The following CD99 variants were observed in gnomAD, a reference collection of about 807,000 sequenced individuals.
The protein encoded by CD99 is CD99 molecule (Xg blood group).
Under a neutral mutation model 28.4 loss-of-function variants are expected in CD99, and 19 were observed. The ratio of observed to expected loss-of-function variants is 0.67; its 90% CI spans 0.47 to 0.98. CD99 has a LOEUF of 0.98. Among genes scored for constraint, CD99 ranks in the 50% least tolerant of loss-of-function variants. The pLI, the probability that CD99 is intolerant of heterozygous loss-of-function variation, is 0.00. For synonymous variants in CD99, 103 were observed against 92.1 expected (o/e 1.12, Z -0.67); for missense variants, 283 against 248.8 (o/e 1.14, Z -0.92).
chrX:2,736,181 G>A (rs780983783), intron 8 of CD99, among the ~76,000 whole-genome samples: 5 of 146,710 alleles, frequency 3.4e-5, no homozygotes, highest in Non-Finnish European at 4.5e-5. Flanking sequence ...CAGCCTGGGC[G>A]ACAGAGCAAG....
At chrX:2,700,907 A>C (rs1189824100) in intron 1 of CD99, among the ~76,000 whole-genome samples, 13 of 134,936 alleles carry the variant, frequency 9.6e-5, no homozygotes, top group African/African-American at 3.1e-4. Context: ...CCACCCATCC[A>C]TCCACCCACC....
intron 2 of CD99, 159 bp downstream of exon 2, chrX:2,714,613 C>T (rs2048598409): frequency 1.7e-6 from 1 of 598,688 alleles, no homozygotes; most frequent in Non-Finnish European, 3.0e-6. Flanking sequence ...GTTATGTTTA[C>T]TCTCAACTGT....
chrX:2,736,821 C>T (rs983435886), intron 8 of CD99, among the ~76,000 whole-genome samples: 1 of 151,836 alleles, frequency 6.6e-6, no homozygotes, highest in Admixed American at 6.6e-5. Flanking sequence ...CGCGCCACTG[C>T]ACTCCAGCCT....
At chrX:2,698,185 C>CTTT (rs749180860) in intron 1 of CD99, among the ~76,000 whole-genome samples, 10 of 134,812 alleles carry the variant, frequency 7.4e-5, no homozygotes, top group African/African-American at 2.7e-4. Flanking sequence ...TTCTTTGTTT[C>CTTT]TTTTTTTTTT....
chrX:2,725,047 G>A (rs1165983336), intron 7 of CD99, among the ~76,000 whole-genome samples: 1 of 149,682 alleles, frequency 6.7e-6, no homozygotes, highest in East Asian at 2.0e-4. Context: ...GGGCAACAGA[G>A]CAAGACTCTG....
At chrX:2,717,530 T>A in intron 2 of CD99, 75 bp from the exon 3 acceptor site, 2 of 1,181,718 alleles carry the variant, frequency 1.7e-6, no homozygotes, top group Non-Finnish European at 2.5e-6. Flanking sequence ...AAATGAAACA[T>A]CCTTAACCAC....
intron 5 of CD99, among the ~76,000 whole-genome samples, chrX:2,722,230 T>G (rs1569442488): frequency 1.3e-5 from 2 of 152,220 alleles, no homozygotes; most frequent in East Asian, 3.8e-4. Flanking sequence ...ATGACATTAT[T>G]GATTTATAAG....
At chrX:2,717,466 T>C in intron 2 of CD99, 139 bp from the exon 3 acceptor site, 2 of 691,270 alleles carry the variant, frequency 2.9e-6, no homozygotes, top group Non-Finnish European at 5.2e-6. Context: ...CTCAGCTCGG[T>C]GTGGGCAGGT....
In CD99 at chrX:2,738,275, G is replaced by A. The variant is rs201473103; in HGVS notation, c.532+19G>A. 2,127 of 1,612,990 alleles carry A rather than the reference G, an allele frequency of 1.3e-3. 39 individuals carry two copies. The South Asian group carries it at 0.022, about 17-fold the overall frequency. On this transcript the variant is annotated intron_variant, in intron 9 of 9. Transcript: ENST00000381192. Reference sequence around the variant, plus strand: ...CCAGCTGGTAAGAAGGACGGGGAACGATGGCTTGCACACGTGGCCAGTGTT... The same window carrying A: ...CCAGCTGGTAAGAAGGACGGGGAACAATGGCTTGCACACGTGGCCAGTGTT...
intron 8 of CD99, among the ~76,000 whole-genome samples, chrX:2,730,292 C>A: frequency 6.6e-6 from 1 of 151,714 alleles, no homozygotes; most frequent in Non-Finnish European, 1.5e-5. Context: ...CCTGCCTCAG[C>A]TTCCCGAGCA....
chrX:2,731,475 A>G lies in CD99; in HGVS notation c.475+5102A>G, dbSNP rs192699783. On this transcript the variant is annotated intron_variant, in intron 8 of 9. Coordinates refer to ENST00000381192, the MANE Select transcript of CD99 (RefSeq NM_002414.5). ...CATGGTGGTGCACACATGTATTTCC[A>G]GGTACTCGGGAGGCTGAGGCAGGAG... Among the ~76,000 whole-genome samples, 192 of 152,298 alleles carry G rather than the reference A, an allele frequency of 1.3e-3. 2 individuals carry two copies. The highest frequency in any genetic ancestry group is 7.2e-3 in the Admixed American group (110 of 15,288).
intron 1 of CD99, 156 bp downstream of exon 1, chrX:2,691,583 G>T (rs1375043660): frequency 2.5e-6 from 2 of 806,894 alleles, no homozygotes; most frequent in Non-Finnish European, 4.2e-6. Context: ...GCCCAGGCCC[G>T]GAGGAGGCGC....
At chrX:2,739,648 T>C (rs1469647117) in intron 9 of CD99, among the ~76,000 whole-genome samples, 1 of 151,816 alleles carries the variant, frequency 6.6e-6, no homozygotes, top group Non-Finnish European at 1.5e-5. Context: ...AGACGGGGCT[T>C]TCGCCATGTT....
chrX:2,720,755 G>A (rs2048959111), intron 5 of CD99, among the ~76,000 whole-genome samples: 1 of 150,928 alleles, frequency 6.6e-6, no homozygotes, highest in South Asian at 2.1e-4. Context: ...CTCCTGAGTA[G>A]CTGGAATTAC....
At chrX:2,693,981 C>A (rs1172147222) in intron 1 of CD99, among the ~76,000 whole-genome samples, 1 of 152,136 alleles carries the variant, frequency 6.6e-6, no homozygotes, top group African/African-American at 2.4e-5. Flanking sequence ...TTCATCTGGT[C>A]CCAAATGCCA....
chrX:2,728,269 A>T (rs1033642632), intron 8 of CD99, among the ~76,000 whole-genome samples: 1 of 138,356 alleles, frequency 7.2e-6, no homozygotes, highest in African/African-American at 2.8e-5. Context: ...CAATGGCTCC[A>T]TCTTGGCTCA....
At chrX:2,698,092 G>A (rs901649892) in intron 1 of CD99, among the ~76,000 whole-genome samples, 17 of 151,864 alleles carry the variant, frequency 1.1e-4, no homozygotes, top group African/African-American at 3.9e-4. Flanking sequence ...TATGGGAAGC[G>A]GTTTCTACTC....
chrX:2,714,505 T>G, intron 2 of CD99, 51 bp downstream of exon 2: 4 of 1,398,200 alleles, frequency 2.9e-6, no homozygotes, highest in Non-Finnish European at 4.1e-6. Context: ...TATGTTAACA[T>G]AGTATATACA....
chrX:2,726,437 T>G (rs754322372), intron 8 of CD99, 64 bp downstream of exon 8: 21 of 1,096,358 alleles, frequency 1.9e-5, no homozygotes, highest in Non-Finnish European at 3.0e-5. Flanking sequence ...GTGCTTTCTT[T>G]AAAAGGCAGA....
Sources: gnomAD v4.1 joint callset for allele counts (sites outside exome capture counted in the v4.1 genomes callset) on GRCh38, gnomAD v4.1.1 for gene constraint, MANE v1.5 for transcripts, NCBI Gene and HGNC (gene_info 2026-07-23, HGNC 2026-07-21) for gene names.